The following TECR variants were observed in gnomAD, a reference collection of about 807,000 sequenced individuals.
TECR encodes the protein very-long-chain enoyl-CoA reductase.
TECR carries 19 observed loss-of-function variants against 50.6 expected under a neutral mutation model. The observed-to-expected ratio is 0.38, with a 90% CI of 0.26 to 0.55. The LOEUF is 0.55. TECR is among the 20% of genes least tolerant of loss of function. The pLI, the probability that TECR is intolerant of heterozygous loss-of-function variation, is 0.79. For synonymous variants in TECR, 168 were observed against 163.5 expected, an observed-to-expected ratio of 1.03 and a Z score of -0.21; for missense variants, 313 against 408.3, an observed-to-expected ratio of 0.77 and a Z score of 2.01.
chr19:14,556,537 C>T (rs1385060354), intron 1 of TECR, among the ~76,000 whole-genome samples: 1 of 152,154 alleles, frequency 6.6e-6, no homozygotes, highest in Non-Finnish European at 1.5e-5. Flanking sequence ...CCAGCACGCA[C>T]AGGCTAGAAT....
At chr19:14,555,440 T>A (rs1347162486) in intron 1 of TECR, among the ~76,000 whole-genome samples, 7 of 111,636 alleles carry the variant, frequency 6.3e-5, no homozygotes, top group African/African-American at 2.9e-4. Context: ...TATTTATTCT[T>A]TTTTTTTTTT....
At chr19:14,545,323 G>T (rs2073264173) in intron 1 of TECR, 1 of 402,510 alleles carries the variant, frequency 2.5e-6, no homozygotes, top group Admixed American at 2.8e-5. Context: ...TTCCCCGCCA[G>T]GGAGCCTCAT....
chr19:14,535,274 G>A (rs982035225), intron 1 of TECR, among the ~76,000 whole-genome samples: 12 of 151,692 alleles, frequency 7.9e-5, no homozygotes, highest in African/African-American at 2.7e-4. Context: ...TTGGGAGGCC[G>A]AGGTGGGTGA....
At chr19:14,542,347 GTTTTTTT>G (rs71166754) in intron 1 of TECR, among the ~76,000 whole-genome samples, 29 of 43,276 alleles carry the variant, frequency 6.7e-4, no homozygotes, top group African/African-American at 1.8e-3. Flanking sequence ...ATGCCATAGT[GTTTTTTT>G]TTTTTTTTTT....
At chr19:14,546,376 CAGG>C (rs2073307591) in intron 1 of TECR, among the ~76,000 whole-genome samples, 1 of 151,922 alleles carries the variant, frequency 6.6e-6, no homozygotes, top group Non-Finnish European at 1.5e-5. Flanking sequence ...CACTTGAGGT[CAGG>C]AGTTCAAGAC....
chr19:14,555,083 T>C (rs566681015), intron 1 of TECR, among the ~76,000 whole-genome samples: 2 of 151,870 alleles, frequency 1.3e-5, no homozygotes, highest in African/African-American at 2.4e-5. Flanking sequence ...GGCCTTGTTT[T>C]TTTTTTTTTG....
chr19:14,554,859 A>G (rs560081253), intron 1 of TECR, among the ~76,000 whole-genome samples: 6 of 144,122 alleles, frequency 4.2e-5, no homozygotes. Context: ...GCTCACTGCA[A>G]CCTCCGCCTC....
Position 14,538,976 on chromosome 19 carries a change from A to ATT in TECR, c.15+9279_15+9280dup, listed in dbSNP as rs869186799. On this transcript the variant is annotated intron_variant, in intron 1 of 12. Transcript: ENST00000215567. ...TAATGTCACACACCATGCAAGTCAC[A>ATT]TTTTTTTTTTTTTTTGAGACAGAGT... Among the ~76,000 whole-genome samples the ATT allele has an allele frequency of 5.0e-4, 66 of 132,974 alleles. 1 individual carries two copies. The highest frequency in any genetic ancestry group is 1.7e-3 in the African/African-American group (60 of 36,256). The allele number at this position is 132,974 out of a possible 152,430, so 87.2% of individuals were successfully genotyped here. A position where few individuals can be genotyped will look rare whatever the true frequency, so the allele number is the denominator to read the frequency against.
intron 1 of TECR, 197 bp downstream of exon 1, chr19:14,529,908 T>C: frequency 2.6e-6 from 2 of 759,020 alleles, no homozygotes; most frequent in South Asian, 3.4e-5. Context: ...TTTATAAATC[T>C]GCAACCCAGG....
chr19:14,555,802 T>C (rs941901996), intron 1 of TECR, among the ~76,000 whole-genome samples: 2 of 152,078 alleles, frequency 1.3e-5, no homozygotes, highest in African/African-American at 4.8e-5. Context: ...CCCAAGCTGG[T>C]CTTGAACTCC....
chr19:14,554,103 C>T (rs2073635504), intron 1 of TECR, among the ~76,000 whole-genome samples: 1 of 152,158 alleles, frequency 6.6e-6, no homozygotes, highest in South Asian at 2.1e-4. Flanking sequence ...TGGGGTATGG[C>T]CTGGCTTTCA....
At chr19:14,556,840 G>T (rs1400851811) in intron 1 of TECR, among the ~76,000 whole-genome samples, 2 of 152,192 alleles carry the variant, frequency 1.3e-5, no homozygotes, top group Non-Finnish European at 2.9e-5. Context: ...GGGCAGTGGG[G>T]AGCGTCGCAG....
intron 1 of TECR, among the ~76,000 whole-genome samples, chr19:14,552,148 T>A (rs1407284221): frequency 7.4e-6 from 1 of 135,974 alleles, no homozygotes; most frequent in Non-Finnish European, 1.5e-5. Context: ...CTTTTTCTTT[T>A]CTTTCTTTCT....
intron 1 of TECR, among the ~76,000 whole-genome samples, chr19:14,551,350 C>G (rs2073497791): frequency 6.6e-6 from 1 of 152,158 alleles, no homozygotes; most frequent in Admixed American, 6.5e-5. Context: ...ACTGGGATTA[C>G]AGGCGTGAGC....
chr19:14,533,274 G>C (rs143791144), intron 1 of TECR, among the ~76,000 whole-genome samples: 121 of 152,104 alleles, frequency 8.0e-4, no homozygotes, highest in African/African-American at 2.9e-3. Context: ...TAAAAAATTA[G>C]CTGGGTGTGG....
At chr19:14,549,745 C>T (rs537944278) in intron 1 of TECR, among the ~76,000 whole-genome samples, 40 of 152,062 alleles carry the variant, frequency 2.6e-4, no homozygotes, top group South Asian at 2.1e-4. Context: ...GAGTTTGAGA[C>T]GAGCCTGACC....
In TECR at chr19:14,563,394, A is replaced by G; in HGVS notation, c.118+137A>G. 1 of 948,298 alleles carries G rather than the reference A, an allele frequency of 1.1e-6. No homozygotes were observed. The highest frequency in any genetic ancestry group is 1.7e-6 in the Non-Finnish European group (1 of 602,094). The allele number at this position is 948,298 out of a possible 1,614,324, so 58.7% of individuals were successfully genotyped here. ...GTGTGGCCCAGGCTTCTGGGGCGTG[A>G]CTGGGGCAGGCGCCTCCACGTGGCA... On this transcript the variant is annotated intron_variant, in intron 3 of 12. Coordinates refer to ENST00000215567, the MANE Select transcript of TECR (RefSeq NM_138501.6). This position sits in a 1 kb window ranked among gnomAD's most constrained non-coding sequence, Gnocchi z 5.3.
Position 14,557,819 on chromosome 19 carries a change from G to A in TECR, c.16-4706G>A, listed in dbSNP as rs1049894129. 5.3e-5 allele frequency among the ~76,000 whole-genome samples: 8 copies of A among 151,096 alleles called. No homozygotes were observed. The East Asian group carries it at 5.9e-4, about 11-fold the overall frequency. ...CGCCCAGGCTGGAGTGCAGTGGCGC[G>A]ATCTCGGTTCACTGCAAGCTCTGCC... On this transcript the variant is annotated intron_variant, in intron 1 of 12. Coordinates refer to ENST00000215567, the MANE Select transcript of TECR (RefSeq NM_138501.6).
Position 14,529,684 on chromosome 19 carries a change from G to A in TECR, c.-13G>A. 6.2e-7 allele frequency: 1 copy of A among 1,614,028 alleles called. No individual in the cohort carries two copies. Among genetic ancestry groups the A allele is most frequent in the Non-Finnish European group, 8.5e-7 (1 of 1,180,044 alleles). On this transcript the variant is annotated 5_prime_UTR_variant, in exon 1 of 13. In the 5' UTR this introduces an upstream ATG that the reference lacks. Coordinates refer to ENST00000215567, the MANE Select transcript of TECR (RefSeq NM_138501.6). ...CAGCAGCCGCGGAGCAGTAGCCGCC[G>A]TGGGAGGGAGCCATGAAGCATTACG... is the stretch of plus-strand genomic sequence containing the variant.
Sources: allele counts gnomAD v4.1 joint callset (sites outside exome capture counted in the v4.1 genomes callset), GRCh38; gene constraint gnomAD v4.1.1; non-coding constraint Gnocchi (gnomAD v3.1); transcripts MANE v1.5; gene names NCBI Gene and HGNC (gene_info 2026-07-23, HGNC 2026-07-21).